Variants in PKP4 observed in about 807,000 individuals in gnomAD.
PKP4 encodes the protein plakophilin-4.
Under a neutral mutation model 145.1 loss-of-function variants are expected in PKP4, and 90 were observed. The observed-to-expected ratio is 0.62, with a 90% confidence interval of 0.52 to 0.74. The LOEUF (loss-of-function observed/expected upper bound fraction) is 0.74. Ranked by LOEUF, PKP4 falls within the 30% of genes least tolerant of loss-of-function variation. The pLI is 0.00. For synonymous variants in PKP4, 563 were observed against 577.2 expected, an observed-to-expected ratio of 0.98 and a Z score of 0.35; for missense variants, 1,340 against 1,482.7, an observed-to-expected ratio of 0.90 and a Z score of 1.58.
At chr2:158,508,598 C>T (rs1465219403) in intron 1 of PKP4, among the ~76,000 whole-genome samples, 4 of 152,110 alleles carry the variant, frequency 2.6e-5, no homozygotes, top group Non-Finnish European at 5.9e-5. Flanking sequence ...AGCAGATTGC[C>T]TTTTCACTTT....
chr2:158,521,376 T>C (rs774112190), intron 1 of PKP4, among the ~76,000 whole-genome samples: 3 of 152,192 alleles, frequency 2.0e-5, no homozygotes, highest in East Asian at 3.8e-4. Context: ...ACAAACCTTT[T>C]GCTTAATTTT....
intron 1 of PKP4, among the ~76,000 whole-genome samples, chr2:158,502,729 G>A (rs757917586): frequency 6.6e-6 from 1 of 152,176 alleles, no homozygotes; most frequent in Non-Finnish European, 1.5e-5. Context: ...ACAAAAGGTG[G>A]TTCAAAAGTT....
At chr2:158,500,069 G>T (rs189825702) in intron 1 of PKP4, among the ~76,000 whole-genome samples, 1 of 152,326 alleles carries the variant, frequency 6.6e-6, no homozygotes, top group East Asian at 1.9e-4. Flanking sequence ...CACTTTTATG[G>T]ACAGTATATA....
chr2:158,554,090 G>GC lies in PKP4; in HGVS notation c.132+20780dup, dbSNP rs758324204. On this transcript the variant is annotated intron_variant, in intron 2 of 21. Transcript: ENST00000389759. ...AGTAGGTGGGGTCAGCATTCTCCTT[G>GC]CCCCCCGGTTGTTGCCTGCCTTTAC... Among the ~76,000 whole-genome samples the GC allele has an allele frequency of 2.6e-5, 4 of 152,158 alleles. No homozygotes were observed. The East Asian group carries it at 5.8e-4, about 22-fold the overall frequency.
At chr2:158,530,806 G>C (rs2105616951) in intron 1 of PKP4, among the ~76,000 whole-genome samples, 1 of 152,140 alleles carries the variant, frequency 6.6e-6, no homozygotes, top group South Asian at 2.1e-4. Context: ...GTTCATGGTT[G>C]CCTGTGGTGT....
chr2:158,621,189 A>C (rs1338675413), intron 5 of PKP4, 42 bp from the exon 6 acceptor site: 22 of 1,613,014 alleles, frequency 1.4e-5, no homozygotes, highest in Admixed American at 1.7e-5. Context: ...CGAGTGTCAG[A>C]AGTGTGTATA....
intron 1 of PKP4, among the ~76,000 whole-genome samples, chr2:158,470,914 G>T (rs962892656): frequency 2.6e-5 from 4 of 152,176 alleles, no homozygotes; most frequent in African/African-American, 4.8e-5. Flanking sequence ...GGATGGAAAG[G>T]CAGAAAACCC....
In PKP4 at chr2:158,673,753, T is replaced by C. The variant is rs1355288004; in HGVS notation, c.3001T>C (p.Tyr1001His). 1 of 1,608,462 alleles carries C rather than the reference T, an allele frequency of 6.2e-7. No homozygotes were observed. The highest frequency in any genetic ancestry group is 8.5e-7 in the Non-Finnish European group (1 of 1,174,796). The change falls in exon 18 of 22, where the codon TAT becomes CAT. Residue 1001 changes from tyrosine (Y) to histidine (H), a missense_variant. Coordinates refer to ENST00000389759, the MANE Select transcript of PKP4 (RefSeq NM_003628.6). ...LWQYRDLRSI[Y>H]KKDGWNQNHF... Reference sequence around the variant, plus strand: ...GCAATATCGGGACCTCCGGAGCATTTATAAAAAGGTAACCTACAAGAATAG... The same window carrying C: ...GCAATATCGGGACCTCCGGAGCATTCATAAAAAGGTAACCTACAAGAATAG...
intron 12 of PKP4, 100 bp from the exon 13 acceptor site, chr2:158,661,233 G>T (rs1203644419): frequency 3.1e-5 from 25 of 818,764 alleles, no homozygotes; most frequent in Non-Finnish European, 4.1e-6. Flanking sequence ...CTAAGTGGCT[G>T]CCACCTGTTG....
At chr2:158,661,722 C>G (rs541056890) in intron 13 of PKP4, 1 of 291,742 alleles carries the variant, frequency 3.4e-6, no homozygotes, top group Admixed American at 4.6e-5. Flanking sequence ...GGTGCCCATG[C>G]TGCTATTTCC....
At chr2:158,500,287 A>G (rs1351636986) in intron 1 of PKP4, among the ~76,000 whole-genome samples, 1 of 152,246 alleles carries the variant, frequency 6.6e-6, no homozygotes, top group Non-Finnish European at 1.5e-5. Context: ...AGTCACCCTG[A>G]TAACTGCCGG....
intron 2 of PKP4, among the ~76,000 whole-genome samples, chr2:158,547,758 A>AT (rs2045209307): frequency 1.3e-5 from 2 of 152,246 alleles, no homozygotes; most frequent in South Asian, 4.1e-4. Flanking sequence ...ATCGGCTTCC[A>AT]TAGAGCACAG....
chr2:158,519,718 A>G (rs2042205073), intron 1 of PKP4, among the ~76,000 whole-genome samples: 1 of 152,102 alleles, frequency 6.6e-6, no homozygotes, highest in Non-Finnish European at 1.5e-5. Context: ...AGACTGACTA[A>G]TTTTCTTATC....
chr2:158,617,516 C>A (rs1294493351), intron 4 of PKP4, among the ~76,000 whole-genome samples: 1 of 152,156 alleles, frequency 6.6e-6, no homozygotes, highest in Non-Finnish European at 1.5e-5. Flanking sequence ...ACACTATATA[C>A]CTCTTCTCTA....
chr2:158,615,618 A>G lies in PKP4; in HGVS notation c.281-5372A>G, dbSNP rs534046709. ...TAAAATTTATTTTTAATGGTTTTAT[A>G]TTCTTGGACAGAATTTATATATGAC... On this transcript the variant is annotated intron_variant, in intron 4 of 21. Transcript: ENST00000389759. 4.6e-5 allele frequency among the ~76,000 whole-genome samples: 7 copies of G among 152,230 alleles called. No individual in the cohort carries two copies. In the East Asian group the frequency reaches 9.6e-4, roughly 21 times the overall value.
chr2:158,531,144 C>T (rs2043505713), intron 1 of PKP4, among the ~76,000 whole-genome samples: 1 of 152,254 alleles, frequency 6.6e-6, no homozygotes, highest in African/African-American at 2.4e-5. Flanking sequence ...GATATCCTCA[C>T]AGTGATGTAA....
chr2:158,576,851 G>A (rs558494410), intron 2 of PKP4, among the ~76,000 whole-genome samples: 2 of 152,054 alleles, frequency 1.3e-5, no homozygotes, highest in African/African-American at 4.8e-5. Context: ...TTCTGATCAC[G>A]GGGATTTATA....
At chr2:158,466,392 A>C (rs979304778) in intron 1 of PKP4, among the ~76,000 whole-genome samples, 3 of 152,254 alleles carry the variant, frequency 2.0e-5, no homozygotes, top group Middle Eastern at 6.8e-3. Context: ...CATTATACCA[A>C]ATTCCTTAGT....
chr2:158,545,117 G>A (rs2044884480), intron 2 of PKP4, among the ~76,000 whole-genome samples: 1 of 109,224 alleles, frequency 9.2e-6, no homozygotes, highest in Non-Finnish European at 1.7e-5. Flanking sequence ...TGGGCACAAG[G>A]CAGTTGGGTA....
Sources: allele counts gnomAD v4.1 joint callset (sites outside exome capture counted in the v4.1 genomes callset), GRCh38; gene constraint gnomAD v4.1.1; transcripts MANE v1.5; gene names NCBI Gene and HGNC (gene_info 2026-07-23, HGNC 2026-07-21).